Variants in MSRA observed in about 807,000 individuals in gnomAD.
MSRA encodes methionine sulfoxide reductase A, also known as mitochondrial peptide methionine sulfoxide reductase.
Under a neutral mutation model 31.3 loss-of-function variants are expected in MSRA, and 54 were observed. That is an observed-to-expected ratio of 1.73 (90% CI 1.39 to 2.17). MSRA has a LOEUF of 2.17. MSRA is among the 30% of genes most tolerant of loss of function. The pLI, the probability that MSRA is intolerant of heterozygous loss-of-function variation, is 0.00. For missense variants in MSRA, 507 were observed against 300.9 expected (o/e 1.69, Z -5.07); for synonymous variants, 169 against 116.5 (o/e 1.45, Z -2.90).
At chr8:10,325,337 G>A (rs549880177) in intron 5 of MSRA, among the ~76,000 whole-genome samples, 42 of 151,926 alleles carry the variant, frequency 2.8e-4, no homozygotes, top group African/African-American at 9.6e-4. Context: ...TGTATAATAC[G>A]TATATCTATA....
chr8:10,113,289 C>CTTGTTTTTTTTTTTTTT (rs1467440154), intron 1 of MSRA, among the ~76,000 whole-genome samples: 1 of 50,898 alleles, frequency 2.0e-5, no homozygotes. Context: ...GAAGACAGGT[C>CTTGTTTTTTTTTTTTTT]TTCTTTTTTT....
chr8:10,427,230 C>T (rs910465765), intron 5 of MSRA, among the ~76,000 whole-genome samples: 1 of 152,150 alleles, frequency 6.6e-6, no homozygotes, highest in Non-Finnish European at 1.5e-5. Context: ...GCCTCTGTGG[C>T]CGTGTGCTCA....
intron 1 of MSRA, among the ~76,000 whole-genome samples, chr8:10,161,025 G>A (rs546909924): frequency 3.9e-4 from 59 of 152,244 alleles, no homozygotes; most frequent in Non-Finnish European, 6.8e-4. Context: ...TGAATAAGGC[G>A]AGAGCCTCCC....
At chr8:10,304,408 T>A (rs1801014164) in intron 4 of MSRA, among the ~76,000 whole-genome samples, 1 of 152,182 alleles carries the variant, frequency 6.6e-6, no homozygotes, top group African/African-American at 2.4e-5. Context: ...AATGTTAACA[T>A]GAAATCATTA....
chr8:10,219,728 C>T (rs1195772140), intron 2 of MSRA, among the ~76,000 whole-genome samples: 3 of 138,020 alleles, frequency 2.2e-5, no homozygotes, highest in Admixed American at 8.3e-5. Context: ...ATGGGGTGAA[C>T]CCGGGAGGCA....
At chr8:10,323,089 C>CAA (rs34539032) in intron 5 of MSRA, among the ~76,000 whole-genome samples, 23,113 of 112,006 alleles carry the variant, frequency 0.21, 3,240 homozygotes, top group East Asian at 0.56. Context: ...GACTCCATCT[C>CAA]AAAAAAAAAA....
At chr8:10,153,298 C>A (rs1040629453) in intron 1 of MSRA, among the ~76,000 whole-genome samples, 6 of 152,236 alleles carry the variant, frequency 3.9e-5, no homozygotes, top group Non-Finnish European at 7.4e-5. Flanking sequence ...AATAAGGAAC[C>A]TGTCTTTCTT....
chr8:10,119,565 A>T (rs1340388413), intron 1 of MSRA, among the ~76,000 whole-genome samples: 1 of 152,226 alleles, frequency 6.6e-6, no homozygotes, highest in Admixed American at 6.5e-5. Context: ...GGTTACCAAG[A>T]TGATTAAAGC....
In MSRA at chr8:10,329,623, A is replaced by G. The variant is rs562014683; in HGVS notation, c.543+9634A>G. Among the ~76,000 whole-genome samples, 4 of 152,290 alleles carry G rather than the reference A, an allele frequency of 2.6e-5. No homozygotes were observed. The South Asian group carries it at 6.2e-4, about 24-fold the overall frequency. On this transcript the variant is annotated intron_variant, in intron 5 of 5. Transcript: ENST00000317173. ...TGGGGAGACCATTTTTCAGATGACCACAGGCCCCATAATCTGGTCTCCAAC... is the reference window on the plus strand; with the variant it reads ...TGGGGAGACCATTTTTCAGATGACCGCAGGCCCCATAATCTGGTCTCCAAC...
At chr8:10,381,014 T>G (rs1160426075) in intron 5 of MSRA, among the ~76,000 whole-genome samples, 4 of 151,724 alleles carry the variant, frequency 2.6e-5, no homozygotes, top group African/African-American at 9.7e-5. Context: ...GATGGGTTTA[T>G]GGATAGAAAA....
intron 1 of MSRA, among the ~76,000 whole-genome samples, chr8:10,090,155 G>T (rs1237419606): frequency 6.6e-6 from 1 of 152,178 alleles, no homozygotes; most frequent in Non-Finnish European, 1.5e-5. Context: ...ATGCAGAGGG[G>T]GCTGGCTGTT....
intron 5 of MSRA, among the ~76,000 whole-genome samples, chr8:10,343,031 ACAC>A (rs1234240072): frequency 4.0e-5 from 4 of 99,666 alleles, no homozygotes; most frequent in African/African-American, 1.0e-4. Context: ...ACACACACAC[ACAC>A]ACACACACAC....
intron 5 of MSRA, among the ~76,000 whole-genome samples, chr8:10,364,691 G>C (rs1308365998): frequency 1.3e-5 from 2 of 152,232 alleles, no homozygotes; most frequent in Admixed American, 1.3e-4. Flanking sequence ...ACTTTGAACA[G>C]ACCTTAACTG....
Position 10,241,691 on chromosome 8 carries a change from C to G in MSRA, c.212-3413C>G, listed in dbSNP as rs557584187. On this transcript the variant is annotated intron_variant, in intron 2 of 5. Coordinates refer to ENST00000317173, the MANE Select transcript of MSRA (RefSeq NM_012331.5). ...GGCATTGAGCACCCATCAATGCTAACTAGACATGAAAGAGACAACTAGACA... is the reference window on the plus strand; with the variant it reads ...GGCATTGAGCACCCATCAATGCTAAGTAGACATGAAAGAGACAACTAGACA... Among the ~76,000 whole-genome samples the G allele has an allele frequency of 3.3e-5, 5 of 152,328 alleles. No homozygotes were observed. In the South Asian group the frequency reaches 1.0e-3, roughly 32 times the overall value.
At chr8:10,174,354 TA>T (rs1390393061) in intron 1 of MSRA, among the ~76,000 whole-genome samples, 22 of 152,172 alleles carry the variant, frequency 1.4e-4, no homozygotes, top group African/African-American at 5.1e-4. Flanking sequence ...AAGGCATGGC[TA>T]GGGGTGGACT....
chr8:10,367,083 C>T (rs554380659), intron 5 of MSRA, among the ~76,000 whole-genome samples: 3 of 152,234 alleles, frequency 2.0e-5, no homozygotes, highest in South Asian at 4.2e-4. Flanking sequence ...AATTGCATGC[C>T]GTTCTGAGCA....
chr8:10,292,655 G>A (rs1032981385), intron 3 of MSRA, among the ~76,000 whole-genome samples: 20 of 152,254 alleles, frequency 1.3e-4, no homozygotes, highest in Admixed American at 1.2e-3. Flanking sequence ...TCCCTGCACA[G>A]CGCCTCTTCC....
At chr8:10,122,720 T>C (rs187154895) in intron 1 of MSRA, among the ~76,000 whole-genome samples, 1 of 152,122 alleles carries the variant, frequency 6.6e-6, no homozygotes, top group Non-Finnish European at 1.5e-5. Context: ...CAGTGTCTTT[T>C]GTTCCCATCT....
intron 5 of MSRA, among the ~76,000 whole-genome samples, chr8:10,387,535 A>T (rs1806469530): frequency 1.3e-5 from 2 of 152,200 alleles, no homozygotes; most frequent in African/African-American, 4.8e-5. Context: ...AATGATTCTT[A>T]GGAGAAATGA....
Sources: gnomAD v4.1 joint callset for allele counts (sites outside exome capture counted in the v4.1 genomes callset) on GRCh38, gnomAD v4.1.1 for gene constraint, MANE v1.5 for transcripts, NCBI Gene and HGNC (gene_info 2026-07-23, HGNC 2026-07-21) for gene names.